The following PDE2A variants were observed in gnomAD, a reference collection of about 807,000 sequenced individuals.
PDE2A encodes the protein cGMP-dependent 3',5'-cyclic phosphodiesterase.
In PDE2A, 53 loss-of-function variants were observed where a neutral mutation model predicts 133.6. That is an observed-to-expected ratio of 0.40 (90% CI 0.32 to 0.50). PDE2A has a LOEUF of 0.50. Ranked by LOEUF, PDE2A falls within the 20% of genes least tolerant of loss-of-function variation. PDE2A has a pLI of 0.73. For synonymous variants in PDE2A, 491 were observed against 490.2 expected (o/e 1.00, Z -0.02); for missense variants, 796 against 1,232.4 (o/e 0.65, Z 5.30).
intron 30 of PDE2A, among the ~76,000 whole-genome samples, chr11:72,577,955 G>C (rs1212183366): frequency 6.6e-6 from 1 of 152,204 alleles, no homozygotes; most frequent in Non-Finnish European, 1.5e-5. Flanking sequence ...CTGGGCAACA[G>C]AGTGAGACTC....
At chr11:72,670,880 A>G (rs745889597) in intron 1 of PDE2A, among the ~76,000 whole-genome samples, 1 of 152,148 alleles carries the variant, frequency 6.6e-6, no homozygotes, top group Non-Finnish European at 1.5e-5. Context: ...TGAACATCCT[A>G]TGTCCGGGGG....
In PDE2A at chr11:72,637,614, C is replaced by T. The variant is rs559689132; in HGVS notation, c.144+4640G>A. On this transcript the variant is annotated intron_variant, in intron 2 of 30. Coordinates refer to ENST00000334456, the MANE Select transcript of PDE2A (RefSeq NM_002599.5). Reference sequence around the variant, plus strand: ...TAAGGCAGCAATTAGGGACAGTCTGCGGGAAGTGCCCAGGCCAGCCCTAGG... The same window carrying T: ...TAAGGCAGCAATTAGGGACAGTCTGTGGGAAGTGCCCAGGCCAGCCCTAGG... Among the ~76,000 whole-genome samples, 23 of 152,342 alleles carry T rather than the reference C, an allele frequency of 1.5e-4. 1 individual carries two copies. Among genetic ancestry groups the T allele is most frequent in the South Asian group, 8.3e-4 (4 of 4,832 alleles).
intron 7 of PDE2A, 32 bp downstream of exon 7, chr11:72,591,265 G>A (rs1301276721): frequency 6.3e-7 from 1 of 1,576,716 alleles, no homozygotes; most frequent in Admixed American, 1.7e-5. Context: ...AGGGTCTTCA[G>A]CCTCATTGCA....
intron 1 of PDE2A, among the ~76,000 whole-genome samples, chr11:72,659,034 C>A (rs1021552032): frequency 1.3e-5 from 2 of 151,992 alleles, no homozygotes; most frequent in African/African-American, 2.4e-5. Flanking sequence ...CCACTCAATC[C>A]TTATAATATG....
Position 72,582,441 on chromosome 11 carries a change from C to T in PDE2A, c.1851+3G>A, listed in dbSNP as rs1414396340. The T allele has an allele frequency of 2.5e-6, 4 of 1,613,518 alleles. No homozygotes were observed. The highest frequency in any genetic ancestry group is 2.5e-6 in the Non-Finnish European group (3 of 1,179,750). Reference sequence around the variant, plus strand: ...GCCAGTCAAGTGGAGGAGAGCAACTCACCATGGACGTGTCATCCTCGGGCA... The same window carrying T: ...GCCAGTCAAGTGGAGGAGAGCAACTTACCATGGACGTGTCATCCTCGGGCA... On this transcript the variant is annotated splice_donor_region_variant and intron_variant, in intron 21 of 30. Transcript: ENST00000334456.
At chr11:72,644,169 C>T (rs977054681) in intron 1 of PDE2A, among the ~76,000 whole-genome samples, 12 of 152,248 alleles carry the variant, frequency 7.9e-5, no homozygotes, top group African/African-American at 2.7e-4. Flanking sequence ...GAGGGCTTCC[C>T]TGGTTACTAC....
chr11:72,609,207 T>C (rs1324548195), intron 2 of PDE2A, among the ~76,000 whole-genome samples: 1 of 152,242 alleles, frequency 6.6e-6, no homozygotes, highest in East Asian at 1.9e-4. Flanking sequence ...TATCTGTAAG[T>C]TGGAAGCAGC....
intron 2 of PDE2A, among the ~76,000 whole-genome samples, chr11:72,628,962 G>T (rs986073722): frequency 6.6e-6 from 1 of 152,226 alleles, no homozygotes; most frequent in African/African-American, 2.4e-5. Context: ...CTGAGTATAG[G>T]CCTGGGCACT....
chr11:72,608,964 G>A (rs35667827), intron 2 of PDE2A, among the ~76,000 whole-genome samples: 23,319 of 152,218 alleles, frequency 0.15, 2,734 homozygotes, highest in East Asian at 0.55. Flanking sequence ...AAACTGAGGC[G>A]CAGAGAAGGG....
At chr11:72,618,819 G>C (rs534715108) in intron 2 of PDE2A, among the ~76,000 whole-genome samples, 2 of 152,128 alleles carry the variant, frequency 1.3e-5, no homozygotes, top group African/African-American at 4.8e-5. Flanking sequence ...ACAGGGTCCC[G>C]GTCAGTGGGG....
intron 2 of PDE2A, among the ~76,000 whole-genome samples, chr11:72,634,253 C>T (rs11823678): frequency 0.057 from 8,698 of 152,048 alleles, 841 homozygotes; most frequent in African/African-American, 0.2. Flanking sequence ...GGCTCCCTGC[C>T]GGGGACAATG....
Position 72,596,630 on chromosome 11 carries a change from G to A in PDE2A, c.452C>T (p.Ala151Val), listed in dbSNP as rs779674949. 1.2e-4 allele frequency: 189 copies of A among 1,512,856 alleles called. No homozygotes were observed. Among genetic ancestry groups the A allele is most frequent in the Non-Finnish European group, 1.6e-4 (185 of 1,122,840 alleles). 93.7% of individuals were successfully genotyped at this position (1,512,856 alleles called of 1,614,324 possible). The change falls in exon 6 of 31, where the codon GCG becomes GTG. Residue 151 changes from alanine (A) to valine (V), a missense_variant. Ala to Val is a moderately conservative substitution (Grantham distance 64, BLOSUM62 0). This residue lies in a region of PDE2A where 417 missense variants were observed against 475.3 expected (regional missense o/e 0.88). Transcript: ENST00000334456. The stretch of plus-strand genomic sequence containing the variant: ...TGCCACGGCCCCAGCCTCCTTGTCC[G>A]CTAGCGGCATGACCAGCACTGAGGG... Reference protein sequence around the residue: ...PDTQVLVMPLADKEAGAVAAV... With the variant: ...PDTQVLVMPLVDKEAGAVAAV...
At chr11:72,619,544 G>A (rs1001608889) in intron 2 of PDE2A, among the ~76,000 whole-genome samples, 1 of 152,196 alleles carries the variant, frequency 6.6e-6, no homozygotes, top group Non-Finnish European at 1.5e-5. Flanking sequence ...GTGTCTATGT[G>A]TGTGCACTGG....
chr11:72,628,682 G>A (rs1313341176), intron 2 of PDE2A, among the ~76,000 whole-genome samples: 5 of 152,224 alleles, frequency 3.3e-5, no homozygotes, highest in Non-Finnish European at 7.3e-5. Flanking sequence ...GCTCAGGCTG[G>A]TTAAGTGACA....
intron 1 of PDE2A, among the ~76,000 whole-genome samples, chr11:72,662,993 C>T (rs11235559): frequency 0.42 from 63,166 of 151,982 alleles, 14,785 homozygotes; most frequent in Middle Eastern, 0.66. Context: ...TTTGCTCTTA[C>T]GGGGATTTTT....
At chr11:72,603,628 C>T (rs926282245) in intron 4 of PDE2A, among the ~76,000 whole-genome samples, 3 of 152,154 alleles carry the variant, frequency 2.0e-5, no homozygotes, top group Admixed American at 6.5e-5. Context: ...TGGAGGAGAG[C>T]GAAGTTCTTT....
chr11:72,581,516 C>T, intron 22 of PDE2A, 37 bp from the exon 23 acceptor site: 2 of 1,561,092 alleles, frequency 1.3e-6, no homozygotes, highest in Non-Finnish European at 1.7e-6. Flanking sequence ...GGGCCTCAGC[C>T]TCTCCTCCTC....
intron 4 of PDE2A, among the ~76,000 whole-genome samples, chr11:72,604,537 C>T (rs746399): frequency 0.16 from 24,173 of 152,244 alleles, 2,713 homozygotes; most frequent in East Asian, 0.47. Flanking sequence ...ATGTGTGACA[C>T]ATTTAATCCT....
intron 1 of PDE2A, among the ~76,000 whole-genome samples, chr11:72,646,885 A>C (rs1022700361): frequency 3.9e-5 from 6 of 152,228 alleles, no homozygotes; most frequent in Non-Finnish European, 7.3e-5. Flanking sequence ...AATGTACTCC[A>C]TGCCGAGTTT....
Sources: allele counts gnomAD v4.1 joint callset (sites outside exome capture counted in the v4.1 genomes callset), GRCh38; gene constraint gnomAD v4.1.1; regional missense constraint gnomAD v4.1.1; transcripts MANE v1.5; gene names NCBI Gene and HGNC (gene_info 2026-07-23, HGNC 2026-07-21).